Variants in PPP1CC observed in about 807,000 individuals in gnomAD.
The protein encoded by PPP1CC is serine/threonine-protein phosphatase PP1-gamma catalytic subunit.
PPP1CC carries 16 observed loss-of-function variants against 38.4 expected under a neutral mutation model. The ratio of observed to expected loss-of-function variants is 0.42; its 90% CI spans 0.28 to 0.63. PPP1CC has a LOEUF of 0.63. Among genes scored for constraint, PPP1CC ranks in the 30% least tolerant of loss-of-function variants. The probability of loss-of-function intolerance (pLI) is 0.25; values close to 1 mark genes in which losing one functional copy is unlikely to be tolerated. For missense variants in PPP1CC, 170 were observed against 391.3 expected (o/e 0.43, Z 4.77); for synonymous variants, 158 against 136.0 (o/e 1.16, Z -1.13).
intron 1 of PPP1CC, 167 bp from the exon 2 acceptor site, chr12:110,732,068 T>G (rs1317569711): frequency 1.4e-5 from 10 of 719,364 alleles, no homozygotes; most frequent in Non-Finnish European, 1.5e-5. Context: ...TCTTAAAATC[T>G]TAGACAAGAC....
At chr12:110,718,310 T>C (rs1566079399), downstream of PPP1CC, among the ~76,000 whole-genome samples, 1 of 152,216 alleles carries the variant, frequency 6.6e-6, no homozygotes, top group Non-Finnish European at 1.5e-5. Context: ...GCCTAGCACC[T>C]GCCTTTCTGT....
At chr12:110,729,205 T>C (rs1487413747) in intron 3 of PPP1CC, among the ~76,000 whole-genome samples, 1 of 150,096 alleles carries the variant, frequency 6.7e-6, no homozygotes. Context: ...TTTTTTTTTT[T>C]TTTTTTTGAG....
intron 4 of PPP1CC, among the ~76,000 whole-genome samples, chr12:110,723,079 C>T (rs564651405): frequency 6.6e-6 from 1 of 152,196 alleles, no homozygotes; most frequent in African/African-American, 2.4e-5. Context: ...TAAGGATGCT[C>T]AGTGTGAGGT....
chr12:110,727,244 C>T (rs948108619), intron 3 of PPP1CC, among the ~76,000 whole-genome samples: 3 of 152,336 alleles, frequency 2.0e-5, no homozygotes, highest in South Asian at 2.1e-4. Context: ...AGCTACCACG[C>T]CCCGGCTTTG....
chr12:110,710,095 G>GC, the PPP1CC span, among the ~76,000 whole-genome samples: 15 of 151,624 alleles, frequency 9.9e-5, no homozygotes, highest in African/African-American at 3.4e-4. Flanking sequence ...AGAAGATAGA[G>GC]CTGAGGACAT....
intron 6 of PPP1CC, 151 bp from the exon 7 acceptor site, chr12:110,721,316 T>C (rs1663475508): frequency 1.7e-6 from 1 of 588,572 alleles, no homozygotes; most frequent in South Asian, 2.1e-5. Flanking sequence ...ACAAGCTATG[T>C]TGAATGTAAA....
chr12:110,720,218 A>C lies in PPP1CC; in HGVS notation c.*858T>G, dbSNP rs1352967756. ...GGCCTGATGCAACTGTAAAAAGATT[A>C]CTTAATGAATAGACTATATGGAAAT... On this transcript the variant is annotated 3_prime_UTR_variant, in exon 7 of 7. Coordinates refer to ENST00000335007, the MANE Select transcript of PPP1CC (RefSeq NM_002710.4). The C allele has an allele frequency of 1.3e-6, 2 of 1,537,154 alleles. No individual in the cohort carries two copies. Among genetic ancestry groups the C allele is most frequent in the Admixed American group, 1.9e-5 (1 of 51,904 alleles).
Position 110,720,385 on chromosome 12 carries a change from G to T in PPP1CC, c.*691C>A. 2 of 503,582 alleles carry T rather than the reference G, an allele frequency of 4.0e-6. No homozygotes were observed. The allele number at this position is 503,582 out of a possible 1,614,324, so 31.2% of individuals were successfully genotyped here. A position where few individuals can be genotyped will look rare whatever the true frequency, so the allele number is the denominator to read the frequency against. ...ACCATACCACCTTGTACTTAGGGGT[G>T]TGTCAAAACATAATTCAACAGAAAC... On this transcript the variant is annotated 3_prime_UTR_variant, in exon 7 of 7. Coordinates refer to ENST00000335007, the MANE Select transcript of PPP1CC (RefSeq NM_002710.4).
chr12:110,724,857 C>T, intron 3 of PPP1CC, 93 bp from the exon 4 acceptor site: 2 of 669,470 alleles, frequency 3.0e-6, no homozygotes. Context: ...AAGCAAGATT[C>T]TGGGTGCCTT....
intron 1 of PPP1CC, among the ~76,000 whole-genome samples, chr12:110,738,650 C>T (rs1400251012): frequency 6.6e-6 from 1 of 152,142 alleles, no homozygotes; most frequent in Non-Finnish European, 1.5e-5. Context: ...TGTCCATTTG[C>T]CCAGTTATGA....
At chr12:110,736,517 G>A (rs1312859599) in intron 1 of PPP1CC, among the ~76,000 whole-genome samples, 2 of 151,702 alleles carry the variant, frequency 1.3e-5, no homozygotes, top group Admixed American at 6.6e-5. Context: ...GGTGGCGTGC[G>A]CCTGTAGTCC....
intron 1 of PPP1CC, among the ~76,000 whole-genome samples, chr12:110,735,693 A>G (rs1450765646): frequency 6.6e-6 from 1 of 151,666 alleles, no homozygotes; most frequent in Non-Finnish European, 1.5e-5. Context: ...GAGGCACGAG[A>G]ATCACTTGAA....
At chr12:110,732,513 T>C (rs2069886553) in intron 1 of PPP1CC, 1 of 152,436 alleles carries the variant, frequency 6.6e-6, no homozygotes, top group South Asian at 2.1e-4. Context: ...TGAGGATCTC[T>C]GATTTAATTT....
At position 110,720,966 on chromosome 12, in the gene PPP1CC, CACAA is replaced by C; in HGVS notation, c.*106_*109del. 1 of 887,296 alleles carries C rather than the reference CACAA, an allele frequency of 1.1e-6. No individual in the cohort carries two copies. Among genetic ancestry groups the C allele is most frequent in the Non-Finnish European group, 1.7e-6 (1 of 587,432 alleles). 55.0% of individuals were successfully genotyped at this position (887,296 alleles called of 1,614,324 possible). A position where few individuals can be genotyped will look rare whatever the true frequency, so the allele number is the denominator to read the frequency against. On this transcript the variant is annotated 3_prime_UTR_variant, in exon 7 of 7. Transcript: ENST00000335007. Reference sequence around the variant, plus strand: ...AATCAAAAATGGAAGGAAGGGCCCCCACAAACACAGATCTATCTGAGCAAGCTGA... The same window carrying C: ...AATCAAAAATGGAAGGAAGGGCCCCCACACAGATCTATCTGAGCAAGCTGA...
chr12:110,713,525 C>T, the PPP1CC span, among the ~76,000 whole-genome samples: 1 of 152,172 alleles, frequency 6.6e-6, no homozygotes, highest in East Asian at 1.9e-4. Context: ...GAAGGCTCTA[C>T]CTAATAAGTT....
At chr12:110,737,930 T>A (rs77401029) in intron 1 of PPP1CC, among the ~76,000 whole-genome samples, 2,608 of 151,830 alleles carry the variant, frequency 0.017, 83 homozygotes, top group African/African-American at 0.059. Context: ...GTAAAAAAAA[T>A]AAAAGTGACA....
intron 3 of PPP1CC, among the ~76,000 whole-genome samples, chr12:110,728,316 G>A (rs1055272865): frequency 1.3e-5 from 2 of 150,372 alleles, no homozygotes; most frequent in Non-Finnish European, 3.0e-5. Context: ...GGAGAATGGC[G>A]TGAACCCAGG....
the PPP1CC span, among the ~76,000 whole-genome samples, chr12:110,710,068 GA>G: frequency 2.0e-5 from 3 of 151,188 alleles, no homozygotes; most frequent in Non-Finnish European, 2.9e-5. Context: ...CACAACTGAA[GA>G]AAAAATTAGT....
intron 1 of PPP1CC, among the ~76,000 whole-genome samples, chr12:110,734,122 C>G (rs763529396): frequency 6.6e-6 from 1 of 152,250 alleles, no homozygotes; most frequent in South Asian, 2.1e-4. Flanking sequence ...CACACCCCCT[C>G]AACCATGCTT....
Sources: gnomAD v4.1 joint callset for allele counts (sites outside exome capture counted in the v4.1 genomes callset) on GRCh38, gnomAD v4.1.1 for gene constraint, MANE v1.5 for transcripts, NCBI Gene and HGNC (gene_info 2026-07-23, HGNC 2026-07-21) for gene names.